APOBEC4: variants seen among roughly 807,000 people sequenced by gnomAD.
APOBEC4 encodes the protein apolipoprotein B mRNA editing enzyme catalytic polypeptide like 4.
For missense variants in APOBEC4, 375 were observed against 441.2 expected (o/e 0.85, Z 1.34); for synonymous variants, 141 against 154.2 (o/e 0.91, Z 0.63).
intron 1 of APOBEC4, among the ~76,000 whole-genome samples, chr1:183,651,800 T>A (rs1650771301): frequency 6.6e-6 from 1 of 152,216 alleles, no homozygotes; most frequent in Non-Finnish European, 1.5e-5. Context: ...GATTTAACCC[T>A]TGGCAGTGGA....
At chr1:183,649,787 G>A (rs915625551) in intron 1 of APOBEC4, among the ~76,000 whole-genome samples, 4 of 151,930 alleles carry the variant, frequency 2.6e-5, no homozygotes, top group African/African-American at 9.7e-5. Context: ...TTCAGTTATC[G>A]TTGTTCCTAT....
At position 183,648,088 on chromosome 1, in the gene APOBEC4, T is replaced by C. The variant is rs2101990549; in HGVS notation, c.694A>G (p.Ile232Val). 1.9e-6 allele frequency: 3 copies of C among 1,614,278 alleles called. No homozygotes were observed. Among genetic ancestry groups the C allele is most frequent in the East Asian group, 4.5e-5 (2 of 44,892 alleles). Residue 232 changes from isoleucine to valine, a missense_variant, in exon 2 of 2, where the codon ATA becomes GTA. Coordinates refer to ENST00000308641, the MANE Select transcript of APOBEC4 (RefSeq NM_203454.3). ...GTGAAGTAAGGTTTTACGCCTGTTATGGCATTGATTTCATATGCGTTGTGC... is the reference window on the plus strand; with the variant it reads ...GTGAAGTAAGGTTTTACGCCTGTTACGGCATTGATTTCATATGCGTTGTGC... The part of the protein sequence containing the change: ...DRHNAYEINA[I>V]TGVKPYFTDV...
rs1411570130 is a variant in APOBEC4, at chr1:183,653,142, C to G, written c.-101G>C. The stretch of plus-strand genomic sequence containing the variant: ...AGATGGTCCATTTCCTTTTTTTTCT[C>G]CTTTAAGTCCCATGCCCTGTTTCAA... On this transcript the variant is annotated 5_prime_UTR_variant, in exon 1 of 2. Coordinates refer to ENST00000308641, the MANE Select transcript of APOBEC4 (RefSeq NM_203454.3). 6.6e-6 allele frequency: 1 copy of G among 152,020 alleles called. No homozygotes were observed. 9.4% of individuals were successfully genotyped at this position (152,020 alleles called of 1,614,324 possible). A position where few individuals can be genotyped will look rare whatever the true frequency, so the allele number is the denominator to read the frequency against.
At position 183,647,854 on chromosome 1, in the gene APOBEC4, G is replaced by C. The variant is rs1184375318; in HGVS notation, c.928C>G (p.Pro310Ala). The C allele has an allele frequency of 1.9e-6, 3 of 1,614,120 alleles. No homozygotes were observed. Among genetic ancestry groups the C allele is most frequent in the South Asian group, 1.1e-5 (1 of 91,084 alleles). The change falls in exon 2 of 2, where the codon CCA becomes GCA. Residue 310 changes from proline to alanine, a missense_variant. Pro to Ala is a conservative substitution (Grantham distance 27). Coordinates refer to ENST00000308641, the MANE Select transcript of APOBEC4 (RefSeq NM_203454.3). ...DLPPMHMGQNPNKPRNIVRHL... is the reference protein window; with the variant it reads ...DLPPMHMGQNANKPRNIVRHL... ...CTTACGATATTCCTGGGTTTATTTG[G>C]GTTTTGGCCCATATGCATTGGTGGT...
chr1:183,648,678 A>AAT lies in APOBEC4; in HGVS notation c.103_104insAT (p.Ile35AsnfsTer38). On this transcript the variant is annotated frameshift_variant, in exon 2 of 2. Coordinates refer to ENST00000308641, the MANE Select transcript of APOBEC4 (RefSeq NM_203454.3). LOFTEE classifies it low-confidence loss of function (END_TRUNC). ...AACTCTTGCTTCTTCACCTGTTCGAATATGGTAAGGACAATTAGAGCAATC... is the reference window on the plus strand; with the variant it reads ...AACTCTTGCTTCTTCACCTGTTCGAAATTATGGTAAGGACAATTAGAGCAATC... The AAT allele has an allele frequency of 1.2e-6, 2 of 1,614,212 alleles. No individual in the cohort carries two copies. The highest frequency in any genetic ancestry group is 1.6e-4 in the Middle Eastern group (1 of 6,062).
intron 1 of APOBEC4, among the ~76,000 whole-genome samples, chr1:183,651,078 A>T (rs1384752519): frequency 1.3e-5 from 2 of 152,100 alleles, no homozygotes; most frequent in Non-Finnish European, 2.9e-5. Flanking sequence ...CAGCCTTTTA[A>T]TTATGCCAAT....
chr1:183,650,124 T>G (rs1454096675), intron 1 of APOBEC4, among the ~76,000 whole-genome samples: 1 of 151,944 alleles, frequency 6.6e-6, no homozygotes, highest in East Asian at 1.9e-4. Context: ...TCCGTCACTA[T>G]TAACATGTCT....
In APOBEC4 at chr1:183,648,393, G is replaced by T. The variant is rs778856735; in HGVS notation, c.389C>A (p.Ala130Asp). Residue 130 changes from alanine to aspartate, a missense_variant, in exon 2 of 2, where the codon GCT becomes GAT. Coordinates refer to ENST00000308641, the MANE Select transcript of APOBEC4 (RefSeq NM_203454.3). The part of the protein sequence containing the change: ...LYSNNSPCNE[A>D]NHCCISKMYN... ...CATTTTGCTGATGCAGCAGTGGTTA[G>T]CTTCATTACAAGGGGAGTTGTTGGA... 6.2e-7 allele frequency: 1 copy of T among 1,614,100 alleles called. No homozygotes were observed. The highest frequency in any genetic ancestry group is 1.3e-5 in the African/African-American group (1 of 74,940).
chr1:183,651,998 G>A (rs759813665), intron 1 of APOBEC4, among the ~76,000 whole-genome samples: 1 of 152,168 alleles, frequency 6.6e-6, no homozygotes, highest in Non-Finnish European at 1.5e-5. Context: ...GTGGTACACC[G>A]GACATCCAGG....
rs146574503 is a variant in APOBEC4, at chr1:183,648,332, A to G, written c.450T>C (p.Leu150=). The G allele has an allele frequency of 5.7e-5, 92 of 1,614,184 alleles. No individual in the cohort carries two copies. In the African/African-American group the frequency reaches 1.0e-3, roughly 18 times the overall value. The change falls in exon 2 of 2, where the codon CTT becomes CTC. Residue 150 remains leucine, a synonymous_variant. Coordinates refer to ENST00000308641, the MANE Select transcript of APOBEC4 (RefSeq NM_203454.3). ...NFLITYPGIT[L]SIYFSQLYHT... Reference sequence around the variant, plus strand: ...GATAGAGCTGAGAAAAATAAATACTAAGAGTGATGCCTGGATACGTAATCA... The same window carrying G: ...GATAGAGCTGAGAAAAATAAATACTGAGAGTGATGCCTGGATACGTAATCA...
At chr1:183,649,734 C>T (rs1039118931) in intron 1 of APOBEC4, among the ~76,000 whole-genome samples, 4 of 152,158 alleles carry the variant, frequency 2.6e-5, no homozygotes, top group African/African-American at 9.7e-5. Flanking sequence ...ACTCAAAAAG[C>T]TGAGATCTTT....
rs1354869044 is a variant in APOBEC4 at position 183,648,038 on chromosome 1, C to G, written c.744G>C (p.Arg248Ser). ...CCTCCTGAGCTTTTGTGTTTGGATT[C>G]CTTTTTGTCTGGAGAAGAACATCAG... ...YFTDVLLQTK[R>S]NPNTKAQEAL... Residue 248 changes from arginine (R) to serine (S), a missense_variant, in exon 2 of 2, where the codon AGG becomes AGC. Physicochemically the swap from Arg to Ser is moderately radical, Grantham distance 110. Transcript: ENST00000308641. 2 of 1,614,068 alleles carry G rather than the reference C, an allele frequency of 1.2e-6. No homozygotes were observed. The highest frequency in any genetic ancestry group is 1.7e-6 in the Non-Finnish European group (2 of 1,180,042).
Position 183,647,751 on chromosome 1 carries a change from A to G in APOBEC4, c.1031T>C (p.Ile344Thr), listed in dbSNP as rs375027609. The G allele has an allele frequency of 3.7e-6, 6 of 1,613,958 alleles. No individual in the cohort carries two copies. In the African/African-American group the frequency reaches 4.0e-5, roughly 11 times the overall value. ...GRLPTGRSVE[I>T]VEITEQFASS... Reference sequence around the variant, plus strand: ...TGCAAACTGTTCTGTGATTTCCACTATCTCCACTGACCTTCCAGTGGGAAG... The same window carrying G: ...TGCAAACTGTTCTGTGATTTCCACTGTCTCCACTGACCTTCCAGTGGGAAG... The change falls in exon 2 of 2, where the codon ATA becomes ACA. Residue 344 changes from isoleucine (I) to threonine (T), a missense_variant. Physicochemically the swap from Ile to Thr is moderately conservative, Grantham distance 89. Transcript: ENST00000308641.
intron 1 of APOBEC4, among the ~76,000 whole-genome samples, chr1:183,649,776 C>T (rs1650580850): frequency 6.6e-6 from 1 of 151,962 alleles, no homozygotes; most frequent in South Asian, 2.1e-4. Context: ...AAAAATATTC[C>T]TTCAGTTATC....
At chr1:183,652,348 T>G (rs1650822429) in intron 1 of APOBEC4, among the ~76,000 whole-genome samples, 1 of 152,186 alleles carries the variant, frequency 6.6e-6, no homozygotes, top group Non-Finnish European at 1.5e-5. Flanking sequence ...CTTTAACACA[T>G]AGTGGAGGGA....
At chr1:183,649,063 C>T (rs1051533973) in intron 1 of APOBEC4, among the ~76,000 whole-genome samples, 3 of 152,188 alleles carry the variant, frequency 2.0e-5, no homozygotes, top group Non-Finnish European at 4.4e-5. Context: ...AATGAGTTAA[C>T]AATGCAAGTT....
In APOBEC4 at chr1:183,649,015, A is replaced by C. The variant is rs1401562734; in HGVS notation, c.-30-204T>G. ...GAAACAGAAGAGAAAGGCGTTCTTC[A>C]ACTTTACCTGTTTCATAGATTCCAA... is the stretch of plus-strand genomic sequence containing the variant. On this transcript the variant is annotated intron_variant, in intron 1 of 1. Coordinates refer to ENST00000308641, the MANE Select transcript of APOBEC4 (RefSeq NM_203454.3). Among the ~76,000 whole-genome samples, 3 of 152,248 alleles carry C rather than the reference A, an allele frequency of 2.0e-5. No individual in the cohort carries two copies. In the East Asian group the frequency reaches 5.8e-4, roughly 29 times the overall value.
Position 183,649,891 on chromosome 1 carries a change from G to A in APOBEC4, c.-30-1080C>T, listed in dbSNP as rs370833709. Among the ~76,000 whole-genome samples, 5 of 152,192 alleles carry A rather than the reference G, an allele frequency of 3.3e-5. No individual in the cohort carries two copies. The East Asian group carries it at 5.8e-4, about 18-fold the overall frequency. On this transcript the variant is annotated intron_variant, in intron 1 of 1. Transcript: ENST00000308641. ...CAGTGAGATGATCATGGCTCACTGT[G>A]GCCCCAACCTTCCGGGCTCAAGTGA...
chr1:183,652,768 T>C (rs1650856719), intron 1 of APOBEC4, among the ~76,000 whole-genome samples: 1 of 152,204 alleles, frequency 6.6e-6, no homozygotes, highest in Non-Finnish European at 1.5e-5. Flanking sequence ...ATACATGTTA[T>C]ACTCTGTAGA....
Sources: gnomAD v4.1 joint callset for allele counts (sites outside exome capture counted in the v4.1 genomes callset) on GRCh38, gnomAD v4.1.1 for gene constraint, MANE v1.5 for transcripts, NCBI Gene and HGNC (gene_info 2026-07-23, HGNC 2026-07-21) for gene names.